The following RIT2 variants were observed in gnomAD, a reference collection of about 807,000 sequenced individuals.
RIT2 encodes the protein GTP-binding protein Rit2.
In RIT2, 24 loss-of-function variants were observed where a neutral mutation model predicts 23.7. That is an observed-to-expected ratio of 1.01 (90% CI 0.73 to 1.43). RIT2 has a LOEUF of 1.43. RIT2 is among the 40% of genes most tolerant of loss of function. The pLI is 0.00. For synonymous variants in RIT2, 107 were observed against 91.1 expected (o/e 1.17, Z -0.99); for missense variants, 236 against 266.9 (o/e 0.88, Z 0.81).
At chr18:43,022,354 C>T (rs561741696) in intron 2 of RIT2, among the ~76,000 whole-genome samples, 1 of 152,070 alleles carries the variant, frequency 6.6e-6, no homozygotes, top group Non-Finnish European at 1.5e-5. Flanking sequence ...TAGAAACATA[C>T]AGTTAGACTG....
At chr18:42,834,656 T>C (rs1468967125) in intron 4 of RIT2, among the ~76,000 whole-genome samples, 1 of 152,128 alleles carries the variant, frequency 6.6e-6, no homozygotes, top group African/African-American at 2.4e-5. Flanking sequence ...TAATTTTTAC[T>C]GAGTAGTTAG....
intron 3 of RIT2, among the ~76,000 whole-genome samples, chr18:42,950,756 A>C (rs1224504758): frequency 6.6e-6 from 1 of 151,012 alleles, no homozygotes; most frequent in Non-Finnish European, 1.5e-5. Context: ...CAGACATTTA[A>C]AAAAAAATGG....
At chr18:42,942,866 G>C (rs758509675) in intron 3 of RIT2, among the ~76,000 whole-genome samples, 4 of 152,142 alleles carry the variant, frequency 2.6e-5, no homozygotes, top group Non-Finnish European at 4.4e-5. Flanking sequence ...TGATGTGATA[G>C]GAAAGCACCC....
intron 1 of RIT2, among the ~76,000 whole-genome samples, chr18:43,077,060 G>T (rs149171374): frequency 0.06 from 7,766 of 128,452 alleles, 263 homozygotes; most frequent in South Asian, 0.14. Flanking sequence ...CCGAGATCCC[G>T]CCACTGCACT....
intron 1 of RIT2, among the ~76,000 whole-genome samples, chr18:43,049,126 T>C (rs888104733): frequency 2.6e-5 from 4 of 152,162 alleles, no homozygotes; most frequent in Non-Finnish European, 5.9e-5. Flanking sequence ...AAGTGAATTA[T>C]GGAGAGAAAA....
intron 4 of RIT2, among the ~76,000 whole-genome samples, chr18:42,852,904 G>C (rs1428763558): frequency 1.3e-5 from 2 of 151,208 alleles, no homozygotes; most frequent in Non-Finnish European, 2.9e-5. Context: ...TGCAATCTTG[G>C]CTCACTGCAA....
At chr18:43,058,184 TC>T (rs1364311315) in intron 1 of RIT2, among the ~76,000 whole-genome samples, 1 of 152,122 alleles carries the variant, frequency 6.6e-6, no homozygotes, top group Non-Finnish European at 1.5e-5. Context: ...TGTTGATGTG[TC>T]CTTTTTTTAT....
At chr18:42,965,486 A>T (rs958469181) in intron 3 of RIT2, among the ~76,000 whole-genome samples, 1 of 152,134 alleles carries the variant, frequency 6.6e-6, no homozygotes, top group Non-Finnish European at 1.5e-5. Context: ...GTGATCTTTC[A>T]TATAGATACC....
chr18:42,924,136 T>C (rs746272869), intron 3 of RIT2, among the ~76,000 whole-genome samples: 11 of 152,114 alleles, frequency 7.2e-5, no homozygotes, highest in Non-Finnish European at 1.5e-4. Flanking sequence ...TCTAGAAACA[T>C]TGAAGAAAAA....
intron 3 of RIT2, among the ~76,000 whole-genome samples, chr18:42,969,808 T>C (rs778194670): frequency 1.3e-5 from 2 of 152,172 alleles, no homozygotes; most frequent in Non-Finnish European, 2.9e-5. Context: ...TAATTATTTT[T>C]AAAATACTTT....
At chr18:42,938,634 T>C (rs938900756) in intron 3 of RIT2, among the ~76,000 whole-genome samples, 3 of 152,160 alleles carry the variant, frequency 2.0e-5, no homozygotes, top group African/African-American at 7.2e-5. Context: ...TGAAGAAAGA[T>C]CCAAATATGG....
chr18:42,824,198 A>T (rs560795583), intron 4 of RIT2, among the ~76,000 whole-genome samples: 1 of 152,256 alleles, frequency 6.6e-6, no homozygotes, highest in East Asian at 1.9e-4. Context: ...CCATATTTTT[A>T]ACCTTGAATG....
At chr18:42,807,500 C>CT (rs1208164729) in intron 4 of RIT2, among the ~76,000 whole-genome samples, 1 of 151,954 alleles carries the variant, frequency 6.6e-6, no homozygotes, top group African/African-American at 2.4e-5. Flanking sequence ...GCCTGTAATC[C>CT]CAACTACTGA....
At chr18:42,925,898 T>C (rs1275692835) in intron 3 of RIT2, among the ~76,000 whole-genome samples, 1 of 151,718 alleles carries the variant, frequency 6.6e-6, no homozygotes, top group Admixed American at 6.6e-5. Context: ...TATATAAATA[T>C]TGCTTATTCT....
At chr18:43,096,314 T>C (rs1385278581) in intron 1 of RIT2, among the ~76,000 whole-genome samples, 1 of 151,912 alleles carries the variant, frequency 6.6e-6, no homozygotes, top group African/African-American at 2.4e-5. Context: ...TCATAGAATG[T>C]AGCTGGAAAC....
At chr18:42,809,922 A>T (rs1475329787) in intron 4 of RIT2, among the ~76,000 whole-genome samples, 1 of 136,498 alleles carries the variant, frequency 7.3e-6, no homozygotes, top group East Asian at 2.0e-4. Flanking sequence ...TATAATTTGT[A>T]TATATGTTAT....
intron 1 of RIT2, among the ~76,000 whole-genome samples, chr18:43,034,076 TA>T (rs1346330109): frequency 6.6e-6 from 1 of 152,114 alleles, no homozygotes; most frequent in Non-Finnish European, 1.5e-5. Context: ...TTCTCTGAAA[TA>T]AATATGTTCA....
chr18:42,949,128 C>T (rs1037848365), intron 3 of RIT2: 7 of 396,630 alleles, frequency 1.8e-5, no homozygotes, highest in African/African-American at 1.4e-4. Context: ...CCACATAGAC[C>T]ATGGCTTCCA....
chr18:43,045,880 T>A (rs531340178), intron 1 of RIT2, among the ~76,000 whole-genome samples: 1 of 151,788 alleles, frequency 6.6e-6, no homozygotes, highest in African/African-American at 2.4e-5. Context: ...ATATCCTGAA[T>A]AAAAGGCACA....
Sources: allele counts gnomAD v4.1 joint callset (sites outside exome capture counted in the v4.1 genomes callset), GRCh38; gene constraint gnomAD v4.1.1; transcripts MANE v1.5; gene names NCBI Gene and HGNC (gene_info 2026-07-23, HGNC 2026-07-21).